NLRP5: variants seen among roughly 807,000 people sequenced by gnomAD.
NLRP5 encodes NACHT, LRR and PYD domains-containing protein 5.
A neutral mutation model predicts 113.1 loss-of-function variants in NLRP5; 93 were observed. That is an observed-to-expected ratio of 0.82 (90% confidence interval 0.70 to 0.98). The LOEUF is 0.98. Ranked by LOEUF, NLRP5 falls within the 50% of genes least tolerant of loss-of-function variation. NLRP5 has a pLI of 0.00. For missense variants in NLRP5, 1,808 were observed against 1,514.3 expected (o/e 1.19, Z -3.22); for synonymous variants, 751 against 600.7 (o/e 1.25, Z -3.66).
At chr19:56,023,128 CGAA>C (rs1458829063) in intron 6 of NLRP5, among the ~76,000 whole-genome samples, 3 of 152,212 alleles carry the variant, frequency 2.0e-5, no homozygotes, top group African/African-American at 7.2e-5. Context: ...GAAGCCCTCA[CGAA>C]GGAGAGGATG....
At chr19:56,039,786 C>A (rs973304910) in intron 10 of NLRP5, among the ~76,000 whole-genome samples, 1 of 152,032 alleles carries the variant, frequency 6.6e-6, no homozygotes, top group African/African-American at 2.4e-5. Flanking sequence ...TGGTGGCAGG[C>A]GCCTGCAATC....
chr19:56,013,677 G>A (rs137985391), intron 3 of NLRP5, among the ~76,000 whole-genome samples: 278 of 126,822 alleles, frequency 2.2e-3, no homozygotes, highest in African/African-American at 6.8e-3. Context: ...ATGTGTTTTT[G>A]ATTCAGGGAG....
chr19:56,005,912 A>G (rs1981892169), intron 2 of NLRP5, among the ~76,000 whole-genome samples: 1 of 152,164 alleles, frequency 6.6e-6, no homozygotes, highest in Non-Finnish European at 1.5e-5. Context: ...GTGATAGAGG[A>G]TCTTACAAGA....
the NLRP5 span, among the ~76,000 whole-genome samples, chr19:55,992,119 A>G: frequency 6.6e-6 from 1 of 152,082 alleles, no homozygotes; most frequent in African/African-American, 2.4e-5. Flanking sequence ...AACATGTGGT[A>G]GTTGGTTTTC....
chr19:56,061,302 T>C, intron 14 of NLRP5, 94 bp from the exon 15 acceptor site: 2 of 1,406,658 alleles, frequency 1.4e-6, no homozygotes, highest in South Asian at 1.4e-5. Context: ...CAAGAAAAGG[T>C]TTGAGATCCT....
rs572355940 is a variant in NLRP5 at position 56,037,645 on chromosome 19, A to T, written c.2616-380A>T. On this transcript the variant is annotated intron_variant, in intron 9 of 14. Coordinates refer to ENST00000390649, the MANE Select transcript of NLRP5 (RefSeq NM_153447.4). ...GAGATGGAGATTGCAGTGAGCCAAG[A>T]TTGCGCCACTGCACTCCAGCCTGGG... Among the ~76,000 whole-genome samples, 7 of 147,812 alleles carry T rather than the reference A, an allele frequency of 4.7e-5. No individual in the cohort carries two copies. The East Asian group carries it at 1.4e-3, about 30-fold the overall frequency.
At chr19:56,036,148 C>T (rs1983306850) in intron 9 of NLRP5, among the ~76,000 whole-genome samples, 1 of 145,946 alleles carries the variant, frequency 6.9e-6, no homozygotes, top group African/African-American at 2.5e-5. Flanking sequence ...ATTGCAAGCC[C>T]CACCTCCTGG....
chr19:56,033,632 C>A lies in NLRP5; in HGVS notation c.2538C>A (p.Gly846=), dbSNP rs774884208. The stretch of plus-strand genomic sequence containing the variant: ...ACCTAAGATCCCTCAACTTGGGAGG[C>A]ACCCACCTGAAGGAAGAGGATGTAA... The change falls in exon 9 of 15, where the codon GGC becomes GGA. Residue 846 remains glycine, a synonymous_variant. Coordinates refer to ENST00000390649, the MANE Select transcript of NLRP5 (RefSeq NM_153447.4). 18 of 1,613,468 alleles carry A rather than the reference C, an allele frequency of 1.1e-5. No homozygotes were observed. Among genetic ancestry groups the A allele is most frequent in the Middle Eastern group, 1.6e-4 (1 of 6,084 alleles).
chr19:56,050,577 C>A lies in NLRP5; in HGVS notation c.3117C>A (p.Leu1039=). The change falls in exon 12 of 15, where the codon CTC becomes CTA. Residue 1039 remains leucine (L), a synonymous_variant. Coordinates refer to ENST00000390649, the MANE Select transcript of NLRP5 (RefSeq NM_153447.4). ...TCATGAGAGAACCATCTTGTCATCT[C>A]CAGGACCTGGAGTGAGTTTCCCATG... is the stretch of plus-strand genomic sequence containing the variant. The A allele has an allele frequency of 1.2e-6, 2 of 1,613,586 alleles. No individual in the cohort carries two copies. Among genetic ancestry groups the A allele is most frequent in the Non-Finnish European group, 1.7e-6 (2 of 1,179,658 alleles).
intron 13 of NLRP5, among the ~76,000 whole-genome samples, chr19:56,057,166 G>A (rs900734267): frequency 1.3e-5 from 2 of 152,084 alleles, no homozygotes; most frequent in Admixed American, 6.6e-5. Flanking sequence ...TTTCAATCTA[G>A]AATGATTAGG....
rs1568507631 is a variant in NLRP5, at chr19:56,061,685, A to T, written c.*157A>T. 3.7e-6 allele frequency: 3 copies of T among 808,080 alleles called. No individual in the cohort carries two copies. Among genetic ancestry groups the T allele is most frequent in the Non-Finnish European group, 5.9e-6 (3 of 505,238 alleles). The allele number at this position is 808,080 out of a possible 1,614,324, so 50.1% of individuals were successfully genotyped here. A position where few individuals can be genotyped will look rare whatever the true frequency, so the allele number is the denominator to read the frequency against. On this transcript the variant is annotated 3_prime_UTR_variant, in exon 15 of 15. Transcript: ENST00000390649. Reference sequence around the variant, plus strand: ...CAATGGTAGTGATTCTTCTGTGTTCACTCTACGTTGGTTACTGGATTTGAA... The same window carrying T: ...CAATGGTAGTGATTCTTCTGTGTTCTCTCTACGTTGGTTACTGGATTTGAA...
Position 56,040,967 on chromosome 19 carries a change from C to T in NLRP5, c.2832C>T (p.Ala944=). The change falls in exon 11 of 15, where the codon GCC becomes GCT. Residue 944 remains alanine (A), a synonymous_variant. Coordinates refer to ENST00000390649, the MANE Select transcript of NLRP5 (RefSeq NM_153447.4). Reference sequence around the variant, plus strand: ...CAGCCACGGGTTGCCAGAGTCTGGCCTCAGCCCTCGTCAGCAACCGGAGCT... The same window carrying T: ...CAGCCACGGGTTGCCAGAGTCTGGCTTCAGCCCTCGTCAGCAACCGGAGCT... The T allele has an allele frequency of 1.2e-6, 2 of 1,613,970 alleles. No individual in the cohort carries two copies. Among genetic ancestry groups the T allele is most frequent in the Non-Finnish European group, 1.7e-6 (2 of 1,179,870 alleles).
intron 1 of NLRP5, among the ~76,000 whole-genome samples, chr19:56,001,862 A>G (rs148150120): frequency 6.6e-6 from 1 of 152,282 alleles, no homozygotes; most frequent in Non-Finnish European, 1.5e-5. Context: ...ATTACATGGT[A>G]TTCCTTCGAT....
intron 12 of NLRP5, among the ~76,000 whole-genome samples, 165 bp downstream of exon 12, chr19:56,050,753 C>T (rs1304244776): frequency 6.6e-6 from 1 of 152,152 alleles, no homozygotes; most frequent in Non-Finnish European, 1.5e-5. Context: ...GTTGACACCA[C>T]GGTGAGCATG....
intron 10 of NLRP5, among the ~76,000 whole-genome samples, chr19:56,039,749 T>TA (rs1983450178): frequency 6.6e-6 from 1 of 151,860 alleles, no homozygotes; most frequent in African/African-American, 2.4e-5. Context: ...CCATCTCTAC[T>TA]AAAAATACAA....
At chr19:56,040,171 T>C (rs771314397) in intron 10 of NLRP5, among the ~76,000 whole-genome samples, 2 of 152,160 alleles carry the variant, frequency 1.3e-5, no homozygotes, top group Non-Finnish European at 2.9e-5. Context: ...GGTCTCGAAC[T>C]CCTGGGCTCA....
upstream of NLRP5, among the ~76,000 whole-genome samples, chr19:55,998,480 T>C (rs1166655273): frequency 6.6e-6 from 1 of 151,802 alleles, no homozygotes; most frequent in Non-Finnish European, 1.5e-5. Flanking sequence ...AGTGAAACCC[T>C]GTCTCTACTA....
upstream of NLRP5, among the ~76,000 whole-genome samples, chr19:55,998,318 C>T (rs1016672227): frequency 6.6e-6 from 1 of 152,024 alleles, no homozygotes; most frequent in African/African-American, 2.4e-5. Context: ...ATGATAGTCA[C>T]CACACTCCAG....
At chr19:56,008,964 G>A in intron 3 of NLRP5, 111 bp downstream of exon 3, 2 of 902,146 alleles carry the variant, frequency 2.2e-6, no homozygotes, top group Non-Finnish European at 3.6e-6. Flanking sequence ...GTTCTTTCTA[G>A]TCTAACTACC....
Sources: allele counts gnomAD v4.1 joint callset (sites outside exome capture counted in the v4.1 genomes callset), GRCh38; gene constraint gnomAD v4.1.1; transcripts MANE v1.5; gene names NCBI Gene and HGNC (gene_info 2026-07-23, HGNC 2026-07-21).